ODAD2: variants seen among roughly 807,000 people sequenced by gnomAD.
ODAD2 encodes the protein outer dynein arm-docking complex subunit 2.
In ODAD2, 89 loss-of-function variants were observed where a neutral mutation model predicts 106.8. That is an observed-to-expected ratio of 0.83 (90% confidence interval 0.70 to 0.99). The LOEUF is 0.99. Among genes scored for constraint, ODAD2 ranks in the 50% least tolerant of loss-of-function variants. The pLI is 0.00. For synonymous variants in ODAD2, 404 were observed against 436.2 expected (o/e 0.93, Z 0.92); for missense variants, 1,168 against 1,238.5 (o/e 0.94, Z 0.85).
chr10:27,924,951 C>A (rs2184419), intron 16 of ODAD2, among the ~76,000 whole-genome samples: 10,268 of 150,170 alleles, frequency 0.068, 1,129 homozygotes, highest in African/African-American at 0.23. Flanking sequence ...CCCAGGTAGT[C>A]CCATTGCTCA....
intron 16 of ODAD2, among the ~76,000 whole-genome samples, chr10:27,911,693 T>C (rs1844026465): frequency 6.6e-6 from 1 of 152,186 alleles, no homozygotes; most frequent in African/African-American, 2.4e-5. Context: ...AAAACCTCTT[T>C]CGCAAATTCT....
chr10:27,940,150 G>T, intron 13 of ODAD2, 143 bp from the exon 14 acceptor site: 1 of 584,318 alleles, frequency 1.7e-6, no homozygotes, highest in African/African-American at 1.9e-5. Flanking sequence ...ATCAATAAGA[G>T]AATCAACTGA....
chr10:27,970,134 A>AAATAAATG (rs78642722), intron 8 of ODAD2, among the ~76,000 whole-genome samples: 13,064 of 147,334 alleles, frequency 0.089, 752 homozygotes, highest in Middle Eastern at 0.2. Flanking sequence ...ATAAATAAAT[A>AAATAAATG]AATAAATAAA....
At chr10:27,828,478 T>G (rs1302618332) in intron 19 of ODAD2, among the ~76,000 whole-genome samples, 2 of 152,062 alleles carry the variant, frequency 1.3e-5, no homozygotes, top group Non-Finnish European at 2.9e-5. Context: ...GGAAGATGAT[T>G]AGACTGAAGG....
At chr10:27,846,215 C>T (rs972446468) in intron 19 of ODAD2, among the ~76,000 whole-genome samples, 6 of 152,144 alleles carry the variant, frequency 3.9e-5, no homozygotes, top group Admixed American at 2.6e-4. Context: ...GAAATTATAA[C>T]GAACTGTCTC....
At chr10:27,906,015 A>G (rs1843561448) in intron 17 of ODAD2, among the ~76,000 whole-genome samples, 1 of 152,198 alleles carries the variant, frequency 6.6e-6, no homozygotes, top group South Asian at 2.1e-4. Context: ...GAATTGACAA[A>G]TGGGATTGAA....
chr10:27,885,055 G>C (rs1245756685), intron 17 of ODAD2, among the ~76,000 whole-genome samples: 1 of 151,718 alleles, frequency 6.6e-6, no homozygotes, highest in Non-Finnish European at 1.5e-5. Flanking sequence ...TTATGTAAGG[G>C]AACAAATCTC....
chr10:27,857,769 C>A (rs373687631), intron 19 of ODAD2, among the ~76,000 whole-genome samples: 1 of 152,178 alleles, frequency 6.6e-6, no homozygotes, highest in African/African-American at 2.4e-5. Flanking sequence ...AATTGTCTAA[C>A]AAAGCAGCTA....
In ODAD2 at chr10:27,887,220, A is replaced by G. The variant is rs572179011; in HGVS notation, c.2610+20443T>C. Among the ~76,000 whole-genome samples the G allele has an allele frequency of 6.6e-5, 10 of 152,194 alleles. No individual in the cohort carries two copies. In the South Asian group the frequency reaches 2.1e-3, roughly 32 times the overall value. ...AAAGAGAGCAAGATTGTCCATACCA[A>G]TAACAGACAAAATAGCCTTAAATCA... is the stretch of plus-strand genomic sequence containing the variant. On this transcript the variant is annotated intron_variant, in intron 17 of 19. Coordinates refer to ENST00000305242, the MANE Select transcript of ODAD2 (RefSeq NM_018076.5).
At chr10:27,890,614 G>C (rs1475245957) in intron 17 of ODAD2, among the ~76,000 whole-genome samples, 1 of 151,984 alleles carries the variant, frequency 6.6e-6, no homozygotes, top group East Asian at 1.9e-4. Context: ...GGGAATGGGA[G>C]GGCAGTAGTG....
At chr10:27,865,861 C>T (rs1247983773) in intron 17 of ODAD2, among the ~76,000 whole-genome samples, 2 of 152,320 alleles carry the variant, frequency 1.3e-5, no homozygotes, top group East Asian at 3.9e-4. Flanking sequence ...CTCTGTAACA[C>T]GTTGCCTTAC....
At chr10:27,955,970 C>T (rs1207205000) in intron 10 of ODAD2, among the ~76,000 whole-genome samples, 7 of 152,030 alleles carry the variant, frequency 4.6e-5, no homozygotes, top group African/African-American at 1.4e-4. Flanking sequence ...TTGACCACTA[C>T]TAAGCTGGGA....
At chr10:27,970,012 A>G (rs1848734032) in intron 8 of ODAD2, among the ~76,000 whole-genome samples, 1 of 152,060 alleles carries the variant, frequency 6.6e-6, no homozygotes, top group Admixed American at 6.6e-5. Context: ...AGGCTGAAGC[A>G]AGAGAATCGC....
Position 27,936,899 on chromosome 10 carries a change from A to T in ODAD2, c.2098-19T>A. ...CAGCACACTGCACGAAAAGTCAGACAGAGGCTGTCAGTCATCAAGGAATAT... is the reference window on the plus strand; with the variant it reads ...CAGCACACTGCACGAAAAGTCAGACTGAGGCTGTCAGTCATCAAGGAATAT... On this transcript the variant is annotated intron_variant, in intron 14 of 19. Coordinates refer to ENST00000305242, the MANE Select transcript of ODAD2 (RefSeq NM_018076.5). 6.3e-7 allele frequency: 1 copy of T among 1,579,040 alleles called. No homozygotes were observed. Among genetic ancestry groups the T allele is most frequent in the Non-Finnish European group, 8.6e-7 (1 of 1,165,980 alleles).
At chr10:27,943,223 T>C (rs1165680171) in intron 12 of ODAD2, among the ~76,000 whole-genome samples, 10 of 152,214 alleles carry the variant, frequency 6.6e-5, no homozygotes, top group Admixed American at 6.5e-4. Flanking sequence ...GGTATTTTTC[T>C]TTTGATGCCA....
chr10:27,964,444 A>C (rs1848360316), intron 9 of ODAD2, among the ~76,000 whole-genome samples: 1 of 152,150 alleles, frequency 6.6e-6, no homozygotes, highest in Non-Finnish European at 1.5e-5. Flanking sequence ...AGTGTGAAAT[A>C]TGTGTTTTAG....
intron 17 of ODAD2, among the ~76,000 whole-genome samples, chr10:27,891,369 G>C (rs530642931): frequency 6.6e-6 from 1 of 151,016 alleles, no homozygotes; most frequent in South Asian, 2.1e-4. Flanking sequence ...CAAATTACTA[G>C]AGTTTTTTGT....
intron 17 of ODAD2, among the ~76,000 whole-genome samples, chr10:27,890,682 C>T (rs1292907884): frequency 2.6e-5 from 4 of 151,790 alleles, no homozygotes; most frequent in African/African-American, 2.4e-5. Flanking sequence ...GTGATTCTTT[C>T]GGCTGTGCTC....
chr10:27,885,804 A>G (rs1461179843), intron 17 of ODAD2, among the ~76,000 whole-genome samples: 1 of 86,546 alleles, frequency 1.2e-5, no homozygotes, highest in Non-Finnish European at 2.1e-5. Context: ...ATATATATAA[A>G]ATATATATTA....
Sources: gnomAD v4.1 joint callset for allele counts (sites outside exome capture counted in the v4.1 genomes callset) on GRCh38, gnomAD v4.1.1 for gene constraint, MANE v1.5 for transcripts, NCBI Gene and HGNC (gene_info 2026-07-23, HGNC 2026-07-21) for gene names.